The following NALF1 variants were observed in gnomAD, a reference collection of about 807,000 sequenced individuals.
NALF1 encodes the protein family with sequence similarity 155 member A.
A neutral mutation model predicts 48.4 loss-of-function variants in NALF1; 3 were observed. That is an observed-to-expected ratio of 0.06 (90% CI 0.03 to 0.16). NALF1 has a LOEUF of 0.16. NALF1 is among the 10% of genes least tolerant of loss of function. NALF1 has a pLI of 1.00. For synonymous variants in NALF1, 262 were observed against 245.7 expected (o/e 1.07, Z -0.62); for missense variants, 526 against 571.5 (o/e 0.92, Z 0.81).
intron 2 of NALF1, among the ~76,000 whole-genome samples, chr13:107,199,418 C>A (rs527984179): frequency 3.3e-5 from 5 of 152,164 alleles, no homozygotes; most frequent in Non-Finnish European, 7.3e-5. Flanking sequence ...CTAACACATA[C>A]ACTAATTACA....
chr13:107,559,154 G>A (rs576697140), intron 1 of NALF1, among the ~76,000 whole-genome samples: 20 of 152,244 alleles, frequency 1.3e-4, no homozygotes, highest in South Asian at 2.1e-4. Flanking sequence ...TGGAGGAGAC[G>A]GCAGCAGAGA....
intron 1 of NALF1, among the ~76,000 whole-genome samples, chr13:107,529,494 A>G (rs1566379229): frequency 6.6e-6 from 1 of 152,146 alleles, no homozygotes; most frequent in Non-Finnish European, 1.5e-5. Context: ...ATGTTCCTCA[A>G]ACTTTCTGCT....
At chr13:107,748,987 AT>A (rs1180732263) in intron 1 of NALF1, among the ~76,000 whole-genome samples, 1 of 152,142 alleles carries the variant, frequency 6.6e-6, no homozygotes, top group African/African-American at 2.4e-5. Flanking sequence ...ATAAAAGATG[AT>A]CAAAATAATG....
chr13:107,260,124 T>C (rs570792946), intron 1 of NALF1, among the ~76,000 whole-genome samples: 2 of 152,066 alleles, frequency 1.3e-5, no homozygotes, highest in Middle Eastern at 3.2e-3. Context: ...AAGATAGGAG[T>C]AGAAGTTAAA....
At chr13:107,567,853 C>A (rs914687854) in intron 1 of NALF1, among the ~76,000 whole-genome samples, 1 of 152,176 alleles carries the variant, frequency 6.6e-6, no homozygotes, top group Admixed American at 6.5e-5. Context: ...AGTTCAGAAA[C>A]GTTACATAAA....
intron 1 of NALF1, among the ~76,000 whole-genome samples, chr13:107,709,760 C>A (rs1309893787): frequency 6.6e-6 from 1 of 152,178 alleles, no homozygotes; most frequent in Admixed American, 6.5e-5. Context: ...ATTCAACAAA[C>A]CTTTTCCCAC....
intron 1 of NALF1, among the ~76,000 whole-genome samples, chr13:107,510,667 C>T (rs1163956029): frequency 6.6e-6 from 1 of 152,142 alleles, no homozygotes; most frequent in Non-Finnish European, 1.5e-5. Flanking sequence ...GTAGAGTTTG[C>T]CTTGTGAGGC....
chr13:107,596,264 G>A lies in NALF1; in HGVS notation c.915+269418C>T, dbSNP rs559005385. 6.6e-5 allele frequency among the ~76,000 whole-genome samples: 10 copies of A among 152,200 alleles called. No individual in the cohort carries two copies. In the South Asian group the frequency reaches 1.2e-3, roughly 19 times the overall value. On this transcript the variant is annotated intron_variant, in intron 1 of 2. Coordinates refer to ENST00000375915, the MANE Select transcript of NALF1 (RefSeq NM_001080396.3). ...CAGCCATTGTGAAAGACAGTGTGGC[G>A]ATTCCTCAAGGATCTAGAATCAGAA...
At chr13:107,361,814 G>A (rs573597965) in intron 1 of NALF1, among the ~76,000 whole-genome samples, 1 of 152,308 alleles carries the variant, frequency 6.6e-6, no homozygotes, top group East Asian at 1.9e-4. Context: ...CCCCAACATG[G>A]TCAGCTCTTC....
chr13:107,470,315 T>A (rs556911803), intron 1 of NALF1, among the ~76,000 whole-genome samples: 2 of 152,298 alleles, frequency 1.3e-5, no homozygotes, highest in African/African-American at 4.8e-5. Context: ...AGGACACCTA[T>A]CCTCAAAAGT....
At chr13:107,472,474 T>G (rs1375885816) in intron 1 of NALF1, among the ~76,000 whole-genome samples, 2 of 152,284 alleles carry the variant, frequency 1.3e-5, no homozygotes, top group East Asian at 3.9e-4. Context: ...TTAACGTTTG[T>G]GTCAGTAGAC....
chr13:107,754,497 T>C (rs1381063901), intron 1 of NALF1, among the ~76,000 whole-genome samples: 2 of 151,778 alleles, frequency 1.3e-5, no homozygotes, highest in African/African-American at 4.8e-5. Context: ...ATGGAAGGAA[T>C]GAAAGTGTTT....
At chr13:107,696,909 T>C (rs1023916779) in intron 1 of NALF1, among the ~76,000 whole-genome samples, 1 of 152,186 alleles carries the variant, frequency 6.6e-6, no homozygotes, top group African/African-American at 2.4e-5. Flanking sequence ...CACGTATCAT[T>C]CCTTAAAATT....
chr13:107,265,311 A>C (rs903178020), intron 1 of NALF1, among the ~76,000 whole-genome samples: 18 of 152,198 alleles, frequency 1.2e-4, no homozygotes, highest in Non-Finnish European at 2.4e-4. Flanking sequence ...GGTTATTATT[A>C]ATATTTAATT....
intron 1 of NALF1, among the ~76,000 whole-genome samples, chr13:107,671,120 T>C (rs1458572128): frequency 6.6e-6 from 1 of 152,094 alleles, no homozygotes; most frequent in Non-Finnish European, 1.5e-5. Flanking sequence ...TCACTCACAT[T>C]TTATAAAATT....
intron 1 of NALF1, among the ~76,000 whole-genome samples, chr13:107,703,015 A>G (rs536092935): frequency 6.6e-6 from 1 of 152,312 alleles, no homozygotes; most frequent in East Asian, 1.9e-4. Flanking sequence ...ATATGTGTGC[A>G]TGTATCTTTA....
At chr13:107,674,860 T>C (rs980739332) in intron 1 of NALF1, among the ~76,000 whole-genome samples, 4 of 152,222 alleles carry the variant, frequency 2.6e-5, no homozygotes, top group South Asian at 2.1e-4. Context: ...TGCCGAAATG[T>C]TTCTTTTTTG....
chr13:107,693,145 T>C lies in NALF1; in HGVS notation c.915+172537A>G, dbSNP rs183721000. Among the ~76,000 whole-genome samples the C allele has an allele frequency of 2.5e-3, 388 of 152,284 alleles. 9 individuals are homozygous for C. Among genetic ancestry groups the C allele is most frequent in the Admixed American group, 0.022 (337 of 15,284 alleles). On this transcript the variant is annotated intron_variant, in intron 1 of 2. Transcript: ENST00000375915. ...GTAAAAGAATTTCCGTTTCTCCACATTCTCTCCAGCATCTGTTGTTTCCTG... is the reference window on the plus strand; with the variant it reads ...GTAAAAGAATTTCCGTTTCTCCACACTCTCTCCAGCATCTGTTGTTTCCTG...
intron 1 of NALF1, among the ~76,000 whole-genome samples, chr13:107,593,987 T>C (rs1008678885): frequency 1.3e-5 from 2 of 151,936 alleles, no homozygotes; most frequent in Non-Finnish European, 2.9e-5. Context: ...ACAGATAACA[T>C]GACAAATTTA....
Sources: allele counts gnomAD v4.1 joint callset (sites outside exome capture counted in the v4.1 genomes callset), GRCh38; gene constraint gnomAD v4.1.1; transcripts MANE v1.5; gene names NCBI Gene and HGNC (gene_info 2026-07-23, HGNC 2026-07-21).